The following CAB39 variants were observed in gnomAD, a reference collection of about 807,000 sequenced individuals.
The protein encoded by CAB39 is calcium binding protein 39.
CAB39 carries 8 observed loss-of-function variants against 40.0 expected under a neutral mutation model. That is an observed-to-expected ratio of 0.20 (90% CI 0.12 to 0.36). CAB39 has a LOEUF of 0.36. Among genes scored for constraint, CAB39 ranks in the 10% least tolerant of loss-of-function variants. The pLI is 1.00. For synonymous variants in CAB39, 156 were observed against 141.6 expected (o/e 1.10, Z -0.72); for missense variants, 270 against 401.1 (o/e 0.67, Z 2.79).
rs1401512858 is a variant in CAB39, at chr2:230,763,273, AT to A, written c.114+3162del. The stretch of plus-strand genomic sequence containing the variant: ...TTTGTAATCAAACTGCTCAAACATT[AT>A]TTTGCTTTAAGTATATAAAGAAAAT... On this transcript the variant is annotated intron_variant, in intron 2 of 8. Coordinates refer to ENST00000258418, the MANE Select transcript of CAB39 (RefSeq NM_016289.4). 2.0e-5 allele frequency among the ~76,000 whole-genome samples: 3 copies of A among 152,280 alleles called. No individual in the cohort carries two copies. In the East Asian group the frequency reaches 5.8e-4, roughly 29 times the overall value.
At chr2:230,742,587 C>T (rs1030560567) in intron 1 of CAB39, among the ~76,000 whole-genome samples, 7 of 150,640 alleles carry the variant, frequency 4.6e-5, no homozygotes, top group Non-Finnish European at 1.0e-4. Flanking sequence ...ATCTAAACAG[C>T]CAAAGGGATA....
chr2:230,754,318 C>G (rs1695142714), intron 1 of CAB39, among the ~76,000 whole-genome samples: 1 of 149,780 alleles, frequency 6.7e-6, no homozygotes, highest in African/African-American at 2.5e-5. Context: ...CTTCCTTCTT[C>G]CTTCTTCCTT....
At chr2:230,809,514 T>C (rs994330789) in intron 5 of CAB39, among the ~76,000 whole-genome samples, 1 of 152,224 alleles carries the variant, frequency 6.6e-6, no homozygotes. Flanking sequence ...GGCTAGTCCT[T>C]TGCTAACTTC....
At position 230,732,078 on chromosome 2, in the gene CAB39, C is replaced by T. The variant is rs952181780; in HGVS notation, c.-44+18848C>T. On this transcript the variant is annotated intron_variant, in intron 1 of 8. Transcript: ENST00000258418. ...CTGAGAGCTTGGTGAAATTATCTCT[C>T]TCTTTTTTTTTTTTGGCGGGGGAGG... is the stretch of plus-strand genomic sequence containing the variant. Among the ~76,000 whole-genome samples, 6 of 151,532 alleles carry T rather than the reference C, an allele frequency of 4.0e-5. No individual in the cohort carries two copies. The South Asian group carries it at 1.0e-3, about 26-fold the overall frequency.
At chr2:230,817,995 AG>A (rs1242307638) in intron 8 of CAB39, 98 bp downstream of exon 8, 4 of 1,077,646 alleles carry the variant, frequency 3.7e-6, no homozygotes, top group Non-Finnish European at 1.4e-6. Context: ...CTGGTAATCC[AG>A]GTGACTTAAT....
At chr2:230,726,152 T>C (rs1397441851) in intron 1 of CAB39, among the ~76,000 whole-genome samples, 1 of 152,156 alleles carries the variant, frequency 6.6e-6, no homozygotes, top group Non-Finnish European at 1.5e-5. Flanking sequence ...TTGATGTTTT[T>C]GCTTTTTAAT....
chr2:230,719,522 G>A (rs1017535749), intron 1 of CAB39, among the ~76,000 whole-genome samples: 8 of 152,196 alleles, frequency 5.3e-5, no homozygotes, highest in African/African-American at 1.4e-4. Context: ...AAATGCTTTC[G>A]TTGTATAGTC....
intron 2 of CAB39, among the ~76,000 whole-genome samples, chr2:230,760,465 G>T (rs1023300261): frequency 6.6e-6 from 1 of 152,030 alleles, no homozygotes; most frequent in Admixed American, 6.6e-5. Context: ...CGATCTTTCC[G>T]CCTCTGCCTC....
chr2:230,815,124 A>G (rs1206702410), intron 7 of CAB39, among the ~76,000 whole-genome samples: 2 of 152,242 alleles, frequency 1.3e-5, no homozygotes, highest in Non-Finnish European at 2.9e-5. Flanking sequence ...GTCCTTTGAT[A>G]GGAACACTCC....
At chr2:230,769,576 A>G (rs889518009) in intron 2 of CAB39, among the ~76,000 whole-genome samples, 2 of 152,360 alleles carry the variant, frequency 1.3e-5, no homozygotes, top group African/African-American at 2.4e-5. Flanking sequence ...CAAGACTGCA[A>G]TAGAATTAAA....
At chr2:230,731,515 T>C (rs934731418) in intron 1 of CAB39, among the ~76,000 whole-genome samples, 2 of 152,220 alleles carry the variant, frequency 1.3e-5, no homozygotes, top group Non-Finnish European at 2.9e-5. Flanking sequence ...TTCAAAATAC[T>C]TTTTTTGAGA....
At chr2:230,767,167 C>T (rs1695400771) in intron 2 of CAB39, among the ~76,000 whole-genome samples, 2 of 152,186 alleles carry the variant, frequency 1.3e-5, no homozygotes. Context: ...AGAAGTTCTA[C>T]TCTGTTTTGA....
At chr2:230,740,871 C>T (rs528035417) in intron 1 of CAB39, among the ~76,000 whole-genome samples, 2 of 152,328 alleles carry the variant, frequency 1.3e-5, no homozygotes, top group South Asian at 4.1e-4. Context: ...TCCTATGCAA[C>T]ATGTACAAAA....
chr2:230,811,417 T>C (rs1696303855), intron 6 of CAB39, among the ~76,000 whole-genome samples: 1 of 152,104 alleles, frequency 6.6e-6, no homozygotes, highest in Non-Finnish European at 1.5e-5. Context: ...AAATTGCTGG[T>C]CCTTTATTTT....
chr2:230,799,926 G>A (rs1224246893), intron 5 of CAB39, among the ~76,000 whole-genome samples: 1 of 151,742 alleles, frequency 6.6e-6, no homozygotes. Flanking sequence ...GGAGACGGAG[G>A]TTGTGGTAAC....
intron 3 of CAB39, 40 bp from the exon 4 acceptor site, chr2:230,793,173 T>G: frequency 8.6e-7 from 1 of 1,157,206 alleles, no homozygotes; most frequent in Non-Finnish European, 1.3e-6. Flanking sequence ...CATTTTGATG[T>G]TTGGTCAGGA....
At chr2:230,717,101 A>G (rs190181670) in intron 1 of CAB39, among the ~76,000 whole-genome samples, 4 of 152,284 alleles carry the variant, frequency 2.6e-5, no homozygotes, top group Admixed American at 2.6e-4. Context: ...ACGTCTTTAC[A>G]TGTTACAGAA....
Position 230,736,776 on chromosome 2 carries a change from C to G in CAB39, c.-43-23183C>G, listed in dbSNP as rs765825102. 8.4e-4 allele frequency among the ~76,000 whole-genome samples: 127 copies of G among 152,008 alleles called. 2 individuals carry two copies. Among genetic ancestry groups the G allele is most frequent in the Non-Finnish European group, 1.5e-3 (103 of 67,936 alleles). On this transcript the variant is annotated intron_variant, in intron 1 of 8. Coordinates refer to ENST00000258418, the MANE Select transcript of CAB39 (RefSeq NM_016289.4). ...AACAGTGTCTGTAAAAATGAAGTAC[C>G]TGAGTTCAAGTTTAAGGTATCTTAG...
At chr2:230,741,968 A>G (rs1401446844) in intron 1 of CAB39, among the ~76,000 whole-genome samples, 1 of 152,204 alleles carries the variant, frequency 6.6e-6, no homozygotes, top group African/African-American at 2.4e-5. Flanking sequence ...ACTGGATAGT[A>G]GTGAGATTCA....
Sources: gnomAD v4.1 joint callset for allele counts (sites outside exome capture counted in the v4.1 genomes callset) on GRCh38, gnomAD v4.1.1 for gene constraint, MANE v1.5 for transcripts, NCBI Gene and HGNC (gene_info 2026-07-23, HGNC 2026-07-21) for gene names.